RIMS1: variants seen among roughly 807,000 people sequenced by gnomAD.
RIMS1 encodes the protein regulating synaptic membrane exocytosis protein 1.
Under a neutral mutation model 214.1 loss-of-function variants are expected in RIMS1, and 83 were observed. The ratio of observed to expected loss-of-function variants is 0.39; its 90% confidence interval spans 0.32 to 0.47. The LOEUF is 0.47. RIMS1 is among the 20% of genes least tolerant of loss of function. The pLI is 0.99. For synonymous variants in RIMS1, 793 were observed against 786.8 expected (o/e 1.01, Z -0.13); for missense variants, 2,050 against 2,161.8 (o/e 0.95, Z 1.03).
intron 6 of RIMS1, 25 bp downstream of exon 6, chr6:72,183,174 G>T: frequency 6.3e-7 from 1 of 1,579,438 alleles, no homozygotes; most frequent in Admixed American, 1.8e-5. Context: ...CCGGCCGTGC[G>T]GGGACTTCAG....
At chr6:72,130,201 T>A (rs2040228044) in intron 4 of RIMS1, among the ~76,000 whole-genome samples, 1 of 152,178 alleles carries the variant, frequency 6.6e-6, no homozygotes, top group East Asian at 1.9e-4. Context: ...CCAAACTCTC[T>A]GACTAGATGA....
chr6:72,060,150 G>A (rs1827483740), intron 2 of RIMS1, among the ~76,000 whole-genome samples: 1 of 151,632 alleles, frequency 6.6e-6, no homozygotes, highest in South Asian at 2.1e-4. Context: ...TATTTTTTAA[G>A]TAGAGACAGG....
intron 24 of RIMS1, among the ~76,000 whole-genome samples, chr6:72,286,019 G>T (rs2092188187): frequency 1.3e-5 from 2 of 152,102 alleles, no homozygotes; most frequent in African/African-American, 4.8e-5. Flanking sequence ...CCAACATGGA[G>T]AAACCCCATC....
chr6:71,966,809 A>C (rs970095117), intron 1 of RIMS1, among the ~76,000 whole-genome samples: 1 of 151,950 alleles, frequency 6.6e-6, no homozygotes, highest in African/African-American at 2.4e-5. Flanking sequence ...GGCGTGAGCC[A>C]CCATGCCCAG....
intron 2 of RIMS1, among the ~76,000 whole-genome samples, chr6:72,059,157 A>G (rs1827163185): frequency 6.6e-6 from 1 of 152,240 alleles, no homozygotes; most frequent in Non-Finnish European, 1.5e-5. Context: ...TGGTTCTATC[A>G]GATTTTTCAT....
chr6:72,025,991 C>A (rs767350081), intron 2 of RIMS1, among the ~76,000 whole-genome samples: 2 of 152,146 alleles, frequency 1.3e-5, no homozygotes, highest in Non-Finnish European at 2.9e-5. Context: ...TCCTCTAGAG[C>A]AAGAAACCCA....
intron 1 of RIMS1, among the ~76,000 whole-genome samples, chr6:71,901,429 C>A (rs1233755782): frequency 6.6e-6 from 1 of 152,014 alleles, no homozygotes; most frequent in Non-Finnish European, 1.5e-5. Context: ...CACTATTCCA[C>A]AATAAACAGG....
chr6:72,073,587 T>C (rs1831084590), intron 2 of RIMS1, among the ~76,000 whole-genome samples: 1 of 152,236 alleles, frequency 6.6e-6, no homozygotes. Flanking sequence ...AGCGTCTGAT[T>C]GCTTCTCACT....
rs1289270786 is a variant in RIMS1, at chr6:72,008,537, TA to T, written c.245+39477del. ...AAAAGACACAAACTGGCAAATTGGA[TA>T]AAGAGTCAAGACCCATCAGTGTGCT... On this transcript the variant is annotated intron_variant, in intron 2 of 33. Coordinates refer to ENST00000521978, the MANE Select transcript of RIMS1 (RefSeq NM_014989.7). Among the ~76,000 whole-genome samples the T allele has an allele frequency of 5.3e-5, 8 of 152,170 alleles. No individual in the cohort carries two copies. In the South Asian group the frequency reaches 1.5e-3, roughly 28 times the overall value.
intron 6 of RIMS1, among the ~76,000 whole-genome samples, chr6:72,225,540 T>C (rs2059940990): frequency 6.6e-6 from 1 of 152,222 alleles, no homozygotes; most frequent in Non-Finnish European, 1.5e-5. Flanking sequence ...GAGTTTGTTC[T>C]TGTAATGTCT....
intron 4 of RIMS1, among the ~76,000 whole-genome samples, chr6:72,111,762 G>A (rs1174051136): frequency 1.3e-5 from 2 of 152,212 alleles, no homozygotes; most frequent in Non-Finnish European, 2.9e-5. Context: ...TCTGGGAGAG[G>A]TCTCTCTCTG....
chr6:71,932,355 T>G (rs1332357614), intron 1 of RIMS1, among the ~76,000 whole-genome samples: 1 of 152,156 alleles, frequency 6.6e-6, no homozygotes. Flanking sequence ...GCCATTATTC[T>G]TAGCATACTA....
At chr6:72,002,151 T>G (rs1025981378) in intron 2 of RIMS1, among the ~76,000 whole-genome samples, 2 of 151,994 alleles carry the variant, frequency 1.3e-5, no homozygotes, top group African/African-American at 4.8e-5. Context: ...GAGTTATTAC[T>G]TATAAAAAAG....
chr6:72,128,654 G>A (rs1173424852), intron 4 of RIMS1, among the ~76,000 whole-genome samples: 1 of 152,122 alleles, frequency 6.6e-6, no homozygotes, highest in Non-Finnish European at 1.5e-5. Flanking sequence ...AAAATAAGAA[G>A]TCCCTGAGAC....
chr6:71,996,814 G>A (rs2151678306), intron 2 of RIMS1, among the ~76,000 whole-genome samples: 1 of 152,240 alleles, frequency 6.6e-6, no homozygotes, highest in South Asian at 2.1e-4. Flanking sequence ...GGGAAAAAAA[G>A]GAGTCTTACT....
chr6:72,027,383 T>G (rs976313330), intron 2 of RIMS1, among the ~76,000 whole-genome samples: 9 of 152,170 alleles, frequency 5.9e-5, no homozygotes, highest in African/African-American at 2.2e-4. Flanking sequence ...AATGATCAAT[T>G]TGACCACATC....
At chr6:72,215,683 G>A (rs533719951) in intron 6 of RIMS1, among the ~76,000 whole-genome samples, 1 of 152,160 alleles carries the variant, frequency 6.6e-6, no homozygotes, top group Non-Finnish European at 1.5e-5. Context: ...ACAATAACTT[G>A]GTCAGGTTTT....
At chr6:71,946,517 A>T (rs1348773845) in intron 1 of RIMS1, among the ~76,000 whole-genome samples, 1 of 152,214 alleles carries the variant, frequency 6.6e-6, no homozygotes, top group Non-Finnish European at 1.5e-5. Context: ...AGATGCTAAG[A>T]ACACACAATG....
At chr6:72,218,794 G>T (rs1002045612) in intron 6 of RIMS1, among the ~76,000 whole-genome samples, 4 of 152,146 alleles carry the variant, frequency 2.6e-5, no homozygotes, top group Non-Finnish European at 5.9e-5. Flanking sequence ...TGATTTCTCT[G>T]TCTAGTTCTG....
Sources: gnomAD v4.1 joint callset for allele counts (sites outside exome capture counted in the v4.1 genomes callset) on GRCh38, gnomAD v4.1.1 for gene constraint, MANE v1.5 for transcripts, NCBI Gene and HGNC (gene_info 2026-07-23, HGNC 2026-07-21) for gene names.